Variants in CD96 observed in about 807,000 individuals in gnomAD.
CD96 encodes T-cell surface protein tactile.
In CD96, 70 loss-of-function variants were observed where a neutral mutation model predicts 71.3. The ratio of observed to expected loss-of-function variants is 0.98; its 90% CI spans 0.81 to 1.20. The LOEUF (loss-of-function observed/expected upper bound fraction) is 1.20, where lower values mean the gene tolerates loss of function less well. Ranked by LOEUF, CD96 falls within the 50% of genes most tolerant of loss-of-function variation. CD96 has a pLI of 0.00. For missense variants in CD96, 742 were observed against 677.5 expected (o/e 1.10, Z -1.06); for synonymous variants, 248 against 233.0 (o/e 1.06, Z -0.59).
intron 4 of CD96, 68 bp downstream of exon 4, chr3:111,579,302 G>C: frequency 1.1e-6 from 1 of 876,642 alleles, no homozygotes; most frequent in African/African-American, 1.6e-5. Flanking sequence ...CCTTGAAGAG[G>C]AAGCACCCTA....
intron 2 of CD96, among the ~76,000 whole-genome samples, chr3:111,562,682 G>C (rs975904516): frequency 3.9e-5 from 6 of 152,246 alleles, no homozygotes; most frequent in African/African-American, 1.4e-4. Flanking sequence ...TTTATGCATA[G>C]ATTTGTGTGT....
chr3:111,593,202 C>G (rs1937075860), intron 5 of CD96: 1 of 185,722 alleles, frequency 5.4e-6, no homozygotes, highest in Non-Finnish European at 1.1e-5. Flanking sequence ...TCAGCTCCAC[C>G]AAAACCGAGT....
chr3:111,635,979 C>T (rs1031108241), intron 10 of CD96, among the ~76,000 whole-genome samples: 5 of 152,198 alleles, frequency 3.3e-5, no homozygotes, highest in African/African-American at 1.2e-4. Context: ...CTTTGGAAAT[C>T]AAATTCCGGC....
intron 8 of CD96, among the ~76,000 whole-genome samples, chr3:111,615,369 G>A (rs1938178023): frequency 6.6e-6 from 1 of 152,202 alleles, no homozygotes; most frequent in South Asian, 2.1e-4. Context: ...TGCAGAAAAG[G>A]GAAAGCTTTC....
rs556351229 is a variant in CD96, at chr3:111,580,021, G to A, written c.751+787G>A. Among the ~76,000 whole-genome samples, 8 of 152,302 alleles carry A rather than the reference G, an allele frequency of 5.3e-5. No homozygotes were observed. In the South Asian group the frequency reaches 1.7e-3, roughly 32 times the overall value. The stretch of plus-strand genomic sequence containing the variant: ...AGTTGTCTAATTGTCTTAGTTGCTT[G>A]CTTGAGCAAGGTGGAGTAAAGTCAG... On this transcript the variant is annotated intron_variant, in intron 4 of 13. Transcript: ENST00000352690.
chr3:111,637,469 T>C (rs1419215303), intron 11 of CD96, among the ~76,000 whole-genome samples: 1 of 151,280 alleles, frequency 6.6e-6, no homozygotes, highest in African/African-American at 2.4e-5. Flanking sequence ...TTATACATTT[T>C]ATTTCCAAAA....
intron 10 of CD96, among the ~76,000 whole-genome samples, chr3:111,632,383 G>A (rs1411961401): frequency 2.0e-5 from 3 of 152,088 alleles, no homozygotes; most frequent in Non-Finnish European, 4.4e-5. Flanking sequence ...CAACATCACT[G>A]ATCATTAGAG....
chr3:111,579,466 G>A lies in CD96; in HGVS notation c.751+232G>A, dbSNP rs540745890. The A allele has an allele frequency of 1.1e-4, 63 of 591,204 alleles. 1 individual carries two copies. In the South Asian group the frequency reaches 1.1e-3, roughly 10 times the overall value. The allele number at this position is 591,204 out of a possible 1,614,324, so 36.6% of individuals were successfully genotyped here. A position where few individuals can be genotyped will look rare whatever the true frequency, so the allele number is the denominator to read the frequency against. ...ATCATACAGAAGCCAATAATTTTCT[G>A]TATTGGTCAGTTTTCTGTTGCTTAC... On this transcript the variant is annotated intron_variant, in intron 4 of 13. Transcript: ENST00000352690.
At chr3:111,606,960 T>G in intron 8 of CD96, 168 bp downstream of exon 8, 3 of 675,302 alleles carry the variant, frequency 4.4e-6, no homozygotes, top group Non-Finnish European at 8.1e-6. Context: ...CACGTCACAT[T>G]AACTTGCCCA....
At chr3:111,587,553 C>T (rs1936773158) in intron 5 of CD96, among the ~76,000 whole-genome samples, 1 of 152,218 alleles carries the variant, frequency 6.6e-6, no homozygotes, top group Admixed American at 6.5e-5. Flanking sequence ...TGGTCCTCTT[C>T]TCACAGCTCC....
chr3:111,552,705 CA>C (rs906130602), intron 2 of CD96, among the ~76,000 whole-genome samples: 1 of 152,028 alleles, frequency 6.6e-6, no homozygotes, highest in African/African-American at 2.4e-5. Flanking sequence ...GCCCACAGGC[CA>C]AGGTTTATGA....
intron 5 of CD96, among the ~76,000 whole-genome samples, chr3:111,597,557 C>A (rs1052175213): frequency 1.7e-4 from 26 of 152,190 alleles, no homozygotes; most frequent in Admixed American, 7.9e-4. Context: ...AAAAATAAGG[C>A]ATGCTCTACC....
At chr3:111,618,615 C>A (rs370965323) in intron 8 of CD96, among the ~76,000 whole-genome samples, 1 of 139,258 alleles carries the variant, frequency 7.2e-6, no homozygotes, top group African/African-American at 2.7e-5. Context: ...GACAGAGTCT[C>A]GCTCTGTTGC....
In CD96 at chr3:111,598,110, T is replaced by C; in HGVS notation, c.808-10T>C. The C allele has an allele frequency of 1.6e-6, 2 of 1,213,512 alleles. No homozygotes were observed. Among genetic ancestry groups the C allele is most frequent in the East Asian group, 2.3e-5 (1 of 42,910 alleles). The allele number at this position is 1,213,512 out of a possible 1,614,324, so 75.2% of individuals were successfully genotyped here. On this transcript the variant is annotated splice_polypyrimidine_tract_variant and intron_variant, in intron 5 of 13. Transcript: ENST00000352690. The stretch of plus-strand genomic sequence containing the variant: ...ATTTGCAAATAATCCTTTTTCTGTC[T>C]TTACCCCAGAGAAGATTTACCTGCT...
intron 2 of CD96, among the ~76,000 whole-genome samples, chr3:111,565,840 G>T (rs1394646898): frequency 6.6e-6 from 1 of 151,708 alleles, no homozygotes; most frequent in Non-Finnish European, 1.5e-5. Flanking sequence ...CTGTGGGGAA[G>T]ATGTACCCTA....
At chr3:111,635,990 G>A (rs1022087869) in intron 10 of CD96, among the ~76,000 whole-genome samples, 7 of 152,176 alleles carry the variant, frequency 4.6e-5, no homozygotes, top group East Asian at 1.9e-4. Context: ...AAATTCCGGC[G>A]AATGGCATAA....
intron 10 of CD96, among the ~76,000 whole-genome samples, chr3:111,625,345 C>A (rs1002159840): frequency 6.6e-6 from 1 of 152,116 alleles, no homozygotes; most frequent in Non-Finnish European, 1.5e-5. Flanking sequence ...CGATGCATGA[C>A]CCTCTGTAAT....
intron 5 of CD96, chr3:111,593,335 T>G: frequency 2.1e-6 from 1 of 476,194 alleles, no homozygotes; most frequent in Non-Finnish European, 3.5e-6. Flanking sequence ...CATTTTAGAG[T>G]TTCGGCCAAG....
chr3:111,608,493 C>T (rs1427835538), intron 8 of CD96, among the ~76,000 whole-genome samples: 1 of 152,170 alleles, frequency 6.6e-6, no homozygotes, highest in Non-Finnish European at 1.5e-5. Context: ...GTGGTTTGAT[C>T]TTTATTATGA....
Sources: gnomAD v4.1 joint callset for allele counts (sites outside exome capture counted in the v4.1 genomes callset) on GRCh38, gnomAD v4.1.1 for gene constraint, MANE v1.5 for transcripts, NCBI Gene and HGNC (gene_info 2026-07-23, HGNC 2026-07-21) for gene names.